STK39: variants seen among roughly 807,000 people sequenced by gnomAD.
STK39 encodes the protein STE20/SPS1-related proline-alanine-rich protein kinase.
STK39 carries 20 observed loss-of-function variants against 77.8 expected under a neutral mutation model. The observed-to-expected ratio is 0.26, with a 90% CI of 0.18 to 0.37. The LOEUF (loss-of-function observed/expected upper bound fraction) is 0.37. Among genes scored for constraint, STK39 ranks in the 10% least tolerant of loss-of-function variants. The pLI is 1.00. For synonymous variants in STK39, 246 were observed against 234.1 expected (o/e 1.05, Z -0.47); for missense variants, 479 against 656.5 (o/e 0.73, Z 2.95).
chr2:168,107,898 T>G (rs1464128312), intron 10 of STK39, among the ~76,000 whole-genome samples: 1 of 152,230 alleles, frequency 6.6e-6, no homozygotes. Context: ...TACGGACACC[T>G]GCTTTCGCAT....
chr2:168,181,974 T>C lies in STK39; in HGVS notation c.321+4A>G, dbSNP rs987802593. 1.9e-6 allele frequency: 3 copies of C among 1,612,804 alleles called. No individual in the cohort carries two copies. Among genetic ancestry groups the C allele is most frequent in the Non-Finnish European group, 2.5e-6 (3 of 1,178,876 alleles). On this transcript the variant is annotated splice_donor_region_variant and intron_variant, in intron 2 of 17. Coordinates refer to ENST00000355999, the MANE Select transcript of STK39 (RefSeq NM_013233.3). ...CAGCAGGTATTCCCTGCACTGTTACTTACTAATAGTTCATCCATACTGGTC... is the reference window on the plus strand; with the variant it reads ...CAGCAGGTATTCCCTGCACTGTTACCTACTAATAGTTCATCCATACTGGTC...
intron 16 of STK39, among the ~76,000 whole-genome samples, chr2:168,003,152 A>C (rs1684043820): frequency 6.6e-6 from 1 of 151,892 alleles, no homozygotes; most frequent in African/African-American, 2.4e-5. Context: ...TAATTTTTGT[A>C]TTTTTAGTAG....
chr2:167,987,538 C>T (rs1235133310), intron 16 of STK39, among the ~76,000 whole-genome samples: 1 of 152,096 alleles, frequency 6.6e-6, no homozygotes, highest in African/African-American at 2.4e-5. Flanking sequence ...CTGTTCATGG[C>T]TGTCCAATCA....
chr2:168,184,919 T>G (rs1689171269), intron 1 of STK39, among the ~76,000 whole-genome samples: 1 of 152,086 alleles, frequency 6.6e-6, no homozygotes, highest in Non-Finnish European at 1.5e-5. Context: ...GGAAAGGAGG[T>G]GACCTAACTG....
At chr2:168,032,804 C>A (rs968899714) in intron 14 of STK39, among the ~76,000 whole-genome samples, 1 of 152,208 alleles carries the variant, frequency 6.6e-6, no homozygotes, top group Non-Finnish European at 1.5e-5. Context: ...ATAAGAGGGC[C>A]CTTTCCCCGA....
At chr2:168,133,807 G>A (rs1161525500) in intron 8 of STK39, among the ~76,000 whole-genome samples, 2 of 151,574 alleles carry the variant, frequency 1.3e-5, no homozygotes, top group Non-Finnish European at 2.9e-5. Context: ...GCAGTGAGCC[G>A]AGATCATGCC....
At chr2:168,141,771 G>A (rs1353248656) in intron 5 of STK39, among the ~76,000 whole-genome samples, 2 of 152,114 alleles carry the variant, frequency 1.3e-5, no homozygotes, top group African/African-American at 4.8e-5. Context: ...TTTCCTTTGC[G>A]AGTCCCCCTT....
At chr2:167,973,904 T>A (rs1414828311) in intron 16 of STK39, among the ~76,000 whole-genome samples, 1 of 152,198 alleles carries the variant, frequency 6.6e-6, no homozygotes, top group Non-Finnish European at 1.5e-5. Flanking sequence ...ACAAACAGGA[T>A]TTTCTTAAAG....
intron 5 of STK39, among the ~76,000 whole-genome samples, chr2:168,142,668 C>G (rs762925680): frequency 6.6e-6 from 1 of 152,152 alleles, no homozygotes; most frequent in Non-Finnish European, 1.5e-5. Context: ...AATACCCTTT[C>G]AATATATCTG....
chr2:167,978,560 C>A (rs1199842388), intron 16 of STK39, among the ~76,000 whole-genome samples: 1 of 152,162 alleles, frequency 6.6e-6, no homozygotes, highest in Non-Finnish European at 1.5e-5. Flanking sequence ...TTCCTAACAT[C>A]TTTTCTTATA....
In STK39 at chr2:168,204,043, T is replaced by C. The variant is rs183418947; in HGVS notation, c.209-21953A>G. Among the ~76,000 whole-genome samples, 13 of 152,284 alleles carry C rather than the reference T, an allele frequency of 8.5e-5. No homozygotes were observed. In the East Asian group the frequency reaches 2.5e-3, roughly 29 times the overall value. On this transcript the variant is annotated intron_variant, in intron 1 of 17. Coordinates refer to ENST00000355999, the MANE Select transcript of STK39 (RefSeq NM_013233.3). Reference sequence around the variant, plus strand: ...CAGCCACTTGAAAACACAGTTAAGATTATAAGGTTTGAAGAATGGATATGT... The same window carrying C: ...CAGCCACTTGAAAACACAGTTAAGACTATAAGGTTTGAAGAATGGATATGT...
At position 168,231,998 on chromosome 2, in the gene STK39, G is replaced by C. The variant is rs192464079; in HGVS notation, c.208+15230C>G. 1.1e-3 allele frequency: 274 copies of C among 240,870 alleles called. 2 individuals are homozygous for C. Among genetic ancestry groups the C allele is most frequent in the African/African-American group, 5.5e-3 (241 of 43,570 alleles). 14.9% of individuals were successfully genotyped at this position (240,870 alleles called of 1,614,324 possible). ...GAGCTCCTCAAATTGACAATCTTTG[G>C]CAGCCATCTCTATTCTCCTGGATGG... On this transcript the variant is annotated intron_variant, in intron 1 of 17. Coordinates refer to ENST00000355999, the MANE Select transcript of STK39 (RefSeq NM_013233.3).
rs79579183 is a variant in STK39 at position 168,119,822 on chromosome 2, A to G, written c.1089+9719T>C. 8.3e-4 allele frequency among the ~76,000 whole-genome samples: 127 copies of G among 152,350 alleles called. 2 individuals carry two copies. The East Asian group carries it at 0.023, about 27-fold the overall frequency. On this transcript the variant is annotated intron_variant, in intron 10 of 17. Coordinates refer to ENST00000355999, the MANE Select transcript of STK39 (RefSeq NM_013233.3). ...TTCGATATTTTATAAGTTAATTATA[A>G]GATTCCAGGAGGGGAAAAAAGCAAT...
At chr2:168,012,522 G>A (rs1276506521) in intron 16 of STK39, 112 bp downstream of exon 16, 2 of 825,150 alleles carry the variant, frequency 2.4e-6, no homozygotes, top group Non-Finnish European at 3.8e-6. Context: ...AATTCAAGAA[G>A]AATTCTTCAA....
In STK39 at chr2:168,161,849, GA is replaced by G. The variant is rs748076047; in HGVS notation, c.573-8del. 1.5e-4 allele frequency: 238 copies of G among 1,569,614 alleles called. 1 individual carries two copies. Among genetic ancestry groups the G allele is most frequent in the Admixed American group, 4.2e-4 (24 of 57,274 alleles). ...ATTACCAGCTTTCAAATCCCTATTA[GA>G]AAAAAAAATAGAAAATAAATTGTAG... On this transcript the variant is annotated splice_region_variant and splice_polypyrimidine_tract_variant and intron_variant, in intron 4 of 17. Coordinates refer to ENST00000355999, the MANE Select transcript of STK39 (RefSeq NM_013233.3).
chr2:167,986,921 G>A (rs1369302096), intron 16 of STK39, among the ~76,000 whole-genome samples: 3 of 152,092 alleles, frequency 2.0e-5, no homozygotes, highest in Non-Finnish European at 4.4e-5. Context: ...GCTGACTTAG[G>A]GATGATCATC....
At chr2:168,141,229 G>A (rs1447740682) in intron 5 of STK39, among the ~76,000 whole-genome samples, 1 of 152,082 alleles carries the variant, frequency 6.6e-6, no homozygotes, top group Non-Finnish European at 1.5e-5. Flanking sequence ...AATTAATTAG[G>A]CATACTGTAC....
intron 10 of STK39, among the ~76,000 whole-genome samples, chr2:168,126,577 C>G (rs577691852): frequency 6.6e-6 from 1 of 152,264 alleles, no homozygotes; most frequent in South Asian, 2.1e-4. Context: ...AGACTACCCA[C>G]TATTAACAGG....
chr2:168,176,498 A>G (rs945801975), intron 2 of STK39, among the ~76,000 whole-genome samples: 1 of 152,222 alleles, frequency 6.6e-6, no homozygotes. Context: ...CCCACAAATC[A>G]TAGCTAACTC....
Sources: gnomAD v4.1 joint callset for allele counts (sites outside exome capture counted in the v4.1 genomes callset) on GRCh38, gnomAD v4.1.1 for gene constraint, MANE v1.5 for transcripts, NCBI Gene and HGNC (gene_info 2026-07-23, HGNC 2026-07-21) for gene names.